KIAA0232: variants seen among roughly 807,000 people sequenced by gnomAD.
The protein encoded by KIAA0232 is KIAA0232, also known as uncharacterized protein KIAA0232.
Under a neutral mutation model 122.0 loss-of-function variants are expected in KIAA0232, and 27 were observed. The observed-to-expected ratio is 0.22, with a 90% CI of 0.16 to 0.31. KIAA0232 has a LOEUF of 0.31. Among genes scored for constraint, KIAA0232 ranks in the 10% least tolerant of loss-of-function variants. KIAA0232 has a pLI of 1.00. For missense variants in KIAA0232, 1,551 were observed against 1,634.2 expected, an observed-to-expected ratio of 0.95 and a Z score of 0.88; for synonymous variants, 613 against 587.6, an observed-to-expected ratio of 1.04 and a Z score of -0.63.
intron 7 of KIAA0232, chr4:6,866,205 A>G (rs1295500189): frequency 4.1e-6 from 4 of 983,270 alleles, no homozygotes; most frequent in Admixed American, 6.1e-5. Flanking sequence ...GGGAAGAAAG[A>G]AAAAGAGGAA....
chr4:6,823,253 C>T (rs926566666), intron 2 of KIAA0232, among the ~76,000 whole-genome samples: 2 of 152,096 alleles, frequency 1.3e-5, no homozygotes, highest in Admixed American at 6.6e-5. Context: ...GTGCATATGT[C>T]TTTATAGCAG....
chr4:6,800,083 A>T, intron 1 of KIAA0232, among the ~76,000 whole-genome samples: 2 of 50,354 alleles, frequency 4.0e-5, no homozygotes, highest in Non-Finnish European at 3.9e-5. Flanking sequence ...TTTGAGATGG[A>T]GTCTCACTCT....
Position 6,860,871 on chromosome 4 carries a change from G to T in KIAA0232, c.519-30G>T, listed in dbSNP as rs200517781. The T allele has an allele frequency of 1.9e-6, 3 of 1,581,074 alleles. No individual in the cohort carries two copies. In the African/African-American group the frequency reaches 4.1e-5, roughly 21 times the overall value. On this transcript the variant is annotated intron_variant, in intron 6 of 9. Transcript: ENST00000307659. The stretch of plus-strand genomic sequence containing the variant: ...CTGTATCTAAAAAATCTGCATACTC[G>T]TGTTTTGAAGTCTTTACTCTGTTTT...
chr4:6,867,325 C>T (rs1407593903), intron 7 of KIAA0232, among the ~76,000 whole-genome samples: 1 of 152,108 alleles, frequency 6.6e-6, no homozygotes, highest in African/African-American at 2.4e-5. Flanking sequence ...AGTAGAAGGA[C>T]GGAGGCAGGG....
rs756576743 is a variant in KIAA0232 at position 6,855,145 on chromosome 4, C to T, written c.370-2019C>T. Among the ~76,000 whole-genome samples the T allele has an allele frequency of 3.3e-5, 5 of 151,886 alleles. No individual in the cohort carries two copies. The highest frequency in any genetic ancestry group is 7.4e-5 in the Non-Finnish European group (5 of 67,970). ...TGTTGCCCAGGCTGGAGTGCAATGA[C>T]GCGATCTCAGCTCACTGCAACCTCC... On this transcript the variant is annotated intron_variant, in intron 4 of 9. Transcript: ENST00000307659. This position sits in a 1 kb window ranked among gnomAD's most constrained non-coding sequence, Gnocchi z 4.3.
At chr4:6,817,581 GT>G (rs1203920784) in intron 2 of KIAA0232, among the ~76,000 whole-genome samples, 1 of 152,146 alleles carries the variant, frequency 6.6e-6, no homozygotes, top group East Asian at 1.9e-4. Flanking sequence ...ACATCTTGAT[GT>G]TACCAGTTAT....
rs1020651961 is a variant in KIAA0232, at chr4:6,849,484, C to T, written c.369+7280C>T. 4.6e-5 allele frequency among the ~76,000 whole-genome samples: 7 copies of T among 152,194 alleles called. No individual in the cohort carries two copies. The East Asian group carries it at 5.8e-4, about 13-fold the overall frequency. ...TATAAAAATTAACCGGACGTGGTGG[C>T]GCCCACCCATAATCCCAGCTACCTG... On this transcript the variant is annotated intron_variant, in intron 4 of 9. Coordinates refer to ENST00000307659, the MANE Select transcript of KIAA0232 (RefSeq NM_014743.3).
At chr4:6,798,338 A>G (rs576766704) in intron 1 of KIAA0232, among the ~76,000 whole-genome samples, 9 of 152,330 alleles carry the variant, frequency 5.9e-5, no homozygotes, top group African/African-American at 1.9e-4. Flanking sequence ...TAAAATAACT[A>G]TAGAGAGCCT....
intron 4 of KIAA0232, among the ~76,000 whole-genome samples, chr4:6,848,503 C>G (rs1432256313): frequency 6.6e-6 from 1 of 152,150 alleles, no homozygotes; most frequent in Admixed American, 6.5e-5. Flanking sequence ...ACACCCATAG[C>G]ATTTACATTG....
At chr4:6,846,781 A>G (rs916496450) in intron 4 of KIAA0232, among the ~76,000 whole-genome samples, 25 of 152,222 alleles carry the variant, frequency 1.6e-4, no homozygotes, top group African/African-American at 5.5e-4. Context: ...ATTGGCTTCA[A>G]TGGAAAGAAA....
At chr4:6,845,448 G>A (rs1030091482) in intron 4 of KIAA0232, among the ~76,000 whole-genome samples, 2 of 152,004 alleles carry the variant, frequency 1.3e-5, no homozygotes, top group South Asian at 2.1e-4. Flanking sequence ...CTCCCGCGTC[G>A]GCCTCTCAAA....
At chr4:6,799,045 A>G (rs1409224393) in intron 1 of KIAA0232, among the ~76,000 whole-genome samples, 1 of 152,044 alleles carries the variant, frequency 6.6e-6, no homozygotes, top group Non-Finnish European at 1.5e-5. Context: ...CCAAAATCCA[A>G]GTGTTGGCAG....
At chr4:6,868,883 A>G (rs1330885161) in intron 7 of KIAA0232, among the ~76,000 whole-genome samples, 1 of 152,196 alleles carries the variant, frequency 6.6e-6, no homozygotes, top group Non-Finnish European at 1.5e-5. Context: ...AGGATGCAGA[A>G]AAAAGACTCC....
At chr4:6,825,607 G>A (rs111408163) in intron 3 of KIAA0232, among the ~76,000 whole-genome samples, 15 of 152,094 alleles carry the variant, frequency 9.9e-5, no homozygotes, top group African/African-American at 2.9e-4. Context: ...GAGAAAGCAA[G>A]AGAAACCAAA....
intron 5 of KIAA0232, among the ~76,000 whole-genome samples, chr4:6,857,593 C>T (rs1315847342): frequency 7.2e-5 from 11 of 152,102 alleles, no homozygotes; most frequent in African/African-American, 2.2e-4. Context: ...CATCCTTGCC[C>T]CTCTGTTAAT....
At chr4:6,810,204 A>C (rs1410649907) in intron 2 of KIAA0232, among the ~76,000 whole-genome samples, 2 of 152,242 alleles carry the variant, frequency 1.3e-5, no homozygotes, top group Non-Finnish European at 2.9e-5. Context: ...TAACCGAAAC[A>C]GCATGGTACT....
chr4:6,870,975 T>C (rs1036379138), intron 7 of KIAA0232, among the ~76,000 whole-genome samples: 14 of 152,242 alleles, frequency 9.2e-5, no homozygotes, highest in African/African-American at 3.4e-4. Flanking sequence ...GAAGTTTGCC[T>C]TGCTTGGGAG....
At chr4:6,808,247 A>G (rs534646777) in intron 2 of KIAA0232, among the ~76,000 whole-genome samples, 1 of 151,888 alleles carries the variant, frequency 6.6e-6, no homozygotes, top group East Asian at 1.9e-4. Context: ...GCTCTTTTCT[A>G]TATTCTTTCT....
chr4:6,822,912 A>G lies in KIAA0232; in HGVS notation c.-269-1273A>G, dbSNP rs374873245. ...CATCTAGCATTAGGTATATCTCCCAATGCTATCCCTCCCCCCTCCCCCCAC... is the reference window on the plus strand; with the variant it reads ...CATCTAGCATTAGGTATATCTCCCAGTGCTATCCCTCCCCCCTCCCCCCAC... On this transcript the variant is annotated intron_variant, in intron 2 of 9. Transcript: ENST00000307659. Among the ~76,000 whole-genome samples, 30 of 137,910 alleles carry G rather than the reference A, an allele frequency of 2.2e-4. No homozygotes were observed. The East Asian group carries it at 3.5e-3, about 16-fold the overall frequency. 90.5% of individuals were successfully genotyped at this position (137,910 alleles called of 152,430 possible).
Sources: gnomAD v4.1 joint callset for allele counts (sites outside exome capture counted in the v4.1 genomes callset) on GRCh38, gnomAD v4.1.1 for gene constraint, Gnocchi (gnomAD v3.1) non-coding constraint, MANE v1.5 for transcripts, NCBI Gene and HGNC (gene_info 2026-07-23, HGNC 2026-07-21) for gene names.